UMAD1: variants seen among roughly 807,000 people sequenced by gnomAD.
UMAD1 encodes UBAP1-MVB12-associated (UMA)-domain containing protein 1.
In UMAD1, 8 loss-of-function variants were observed where a neutral mutation model predicts 6.1. The observed-to-expected ratio is 1.30, with a 90% CI of 0.76 to 2.35. UMAD1 has a LOEUF of 2.35. Among genes scored for constraint, UMAD1 ranks in the 30% most tolerant of loss-of-function variants. UMAD1 has a pLI of 0.00. For synonymous variants in UMAD1, 56 were observed against 31.4 expected (o/e 1.78, Z -2.61); for missense variants, 130 against 78.4 (o/e 1.66, Z -2.49).
chr7:7,805,455 G>T (rs1190664532), intron 3 of UMAD1, among the ~76,000 whole-genome samples: 1 of 152,108 alleles, frequency 6.6e-6, no homozygotes, highest in East Asian at 1.9e-4. Context: ...TGTGACTGCT[G>T]CTCAACGTCA....
chr7:7,778,226 T>TTGTGTGTG (rs61647575), intron 2 of UMAD1, among the ~76,000 whole-genome samples: 40 of 126,454 alleles, frequency 3.2e-4, no homozygotes, highest in South Asian at 8.3e-4. Context: ...AAAACTGGTT[T>TTGTGTGTG]TGTGTGTGTG....
intron 2 of UMAD1, among the ~76,000 whole-genome samples, chr7:7,685,640 A>T (rs144277454): frequency 6.6e-6 from 1 of 152,260 alleles, no homozygotes; most frequent in African/African-American, 2.4e-5. Context: ...ATTTCTAAAA[A>T]ATTTAAGTGT....
chr7:7,670,237 G>A lies in UMAD1; in HGVS notation c.-63-3072G>A, dbSNP rs76699702. Among the ~76,000 whole-genome samples the A allele has an allele frequency of 3.2e-4, 49 of 152,306 alleles. No homozygotes were observed. The East Asian group carries it at 9.4e-3, about 29-fold the overall frequency. ...TTAAAACTACTTTTGTGATATCCGT[G>A]TTTGTTCCATTTCTGACTTGTGGCC... On this transcript the variant is annotated intron_variant, in intron 1 of 3. Transcript: ENST00000682710.
rs946743883 is a variant in UMAD1, at chr7:7,660,929, C to T, written c.-63-12380C>T. On this transcript the variant is annotated intron_variant, in intron 1 of 3. Transcript: ENST00000682710. ...TTGGTTCTATTCTCCCTGTCACTTTCGGGTACGCCAATCAAATGTAGATTT... is the reference window on the plus strand; with the variant it reads ...TTGGTTCTATTCTCCCTGTCACTTTTGGGTACGCCAATCAAATGTAGATTT... Among the ~76,000 whole-genome samples, 11 of 152,298 alleles carry T rather than the reference C, an allele frequency of 7.2e-5. No homozygotes were observed. The South Asian group carries it at 1.2e-3, about 17-fold the overall frequency.
intron 2 of UMAD1, among the ~76,000 whole-genome samples, chr7:7,713,412 T>A (rs1020981537): frequency 2.0e-5 from 3 of 151,804 alleles, no homozygotes; most frequent in Admixed American, 6.6e-5. Flanking sequence ...TTTTTTTTTT[T>A]AAATGATATC....
chr7:7,672,572 T>G (rs1779633554), intron 1 of UMAD1, among the ~76,000 whole-genome samples: 1 of 152,288 alleles, frequency 6.6e-6, no homozygotes, highest in African/African-American at 2.4e-5. Context: ...AATTAAATCA[T>G]GGGAGCCATT....
intron 2 of UMAD1, chr7:7,736,195 A>G (rs1025824683): frequency 1.3e-5 from 2 of 152,258 alleles, no homozygotes; most frequent in African/African-American, 4.8e-5. Flanking sequence ...TCAGTTCCCA[A>G]TATAAATGTT....
At chr7:7,737,566 G>C (rs1169462820) in intron 2 of UMAD1, among the ~76,000 whole-genome samples, 1 of 152,016 alleles carries the variant, frequency 6.6e-6, no homozygotes, top group African/African-American at 2.4e-5. Flanking sequence ...TTAACCACTG[G>C]GAAAAACTCA....
At chr7:7,782,577 T>G (rs1323172030) in intron 2 of UMAD1, among the ~76,000 whole-genome samples, 1 of 152,104 alleles carries the variant, frequency 6.6e-6, no homozygotes, top group Non-Finnish European at 1.5e-5. Flanking sequence ...TGTAGGGTTA[T>G]TTTTTTGTTT....
intron 2 of UMAD1, among the ~76,000 whole-genome samples, chr7:7,763,307 T>G (rs901298359): frequency 3.3e-5 from 5 of 152,144 alleles, no homozygotes; most frequent in African/African-American, 9.7e-5. Flanking sequence ...CATGCGCAAG[T>G]TTGTTATATG....
At chr7:7,848,504 A>G (rs549333295) in intron 3 of UMAD1, among the ~76,000 whole-genome samples, 2 of 152,140 alleles carry the variant, frequency 1.3e-5, no homozygotes, top group African/African-American at 2.4e-5. Flanking sequence ...ACTTCCACCA[A>G]GGAGGGTAGA....
At chr7:7,662,771 A>G (rs912842229) in intron 1 of UMAD1, among the ~76,000 whole-genome samples, 1 of 152,192 alleles carries the variant, frequency 6.6e-6, no homozygotes, top group African/African-American at 2.4e-5. Flanking sequence ...CCATCTTGCC[A>G]GCAACCCCTC....
At chr7:7,720,840 A>G (rs1781033566) in intron 2 of UMAD1, among the ~76,000 whole-genome samples, 2 of 152,128 alleles carry the variant, frequency 1.3e-5, no homozygotes, top group Non-Finnish European at 2.9e-5. Context: ...TGTCCCCCCA[A>G]AAAGGTATAT....
chr7:7,817,800 T>C (rs559967720), intron 3 of UMAD1, among the ~76,000 whole-genome samples: 2 of 152,270 alleles, frequency 1.3e-5, no homozygotes, highest in East Asian at 3.9e-4. Flanking sequence ...CTTTTAGATG[T>C]TTCAGTATGT....
intron 3 of UMAD1, among the ~76,000 whole-genome samples, chr7:7,818,376 G>T (rs1302456852): frequency 6.6e-6 from 1 of 151,936 alleles, no homozygotes; most frequent in African/African-American, 2.4e-5. Context: ...CAGACACTTT[G>T]CAAAAGACAT....
rs536197271 is a variant in UMAD1, at chr7:7,878,252, C to T, written c.*714C>T. 3 of 152,496 alleles carry T rather than the reference C, an allele frequency of 2.0e-5. No individual in the cohort carries two copies. The highest frequency in any genetic ancestry group is 7.2e-5 in the African/African-American group (3 of 41,548). The allele number at this position is 152,496 out of a possible 1,614,324, so 9.4% of individuals were successfully genotyped here. ...TCTGACCAGCTTTCCAAAGAACTTT[C>T]CCTGCTTCTGCCTCGGTTGCCATTT... is the stretch of plus-strand genomic sequence containing the variant. On this transcript the variant is annotated 3_prime_UTR_variant, in exon 4 of 4. Transcript: ENST00000682710.
chr7:7,756,812 A>G (rs1299343513), intron 2 of UMAD1, among the ~76,000 whole-genome samples: 2 of 152,216 alleles, frequency 1.3e-5, no homozygotes, highest in Non-Finnish European at 2.9e-5. Flanking sequence ...AATCATATGT[A>G]GAGTTACAGT....
intron 2 of UMAD1, among the ~76,000 whole-genome samples, chr7:7,743,886 C>G (rs973871393): frequency 6.6e-6 from 1 of 151,702 alleles, no homozygotes; most frequent in African/African-American, 2.4e-5. Context: ...TTTCCATCAC[C>G]CCAGAGAAAC....
At chr7:7,766,444 C>T (rs1781986814) in intron 2 of UMAD1, among the ~76,000 whole-genome samples, 1 of 152,000 alleles carries the variant, frequency 6.6e-6, no homozygotes, top group African/African-American at 2.4e-5. Context: ...AATAGTATAC[C>T]AGCTGCAAGT....
Sources: gnomAD v4.1 joint callset for allele counts (sites outside exome capture counted in the v4.1 genomes callset) on GRCh38, gnomAD v4.1.1 for gene constraint, MANE v1.5 for transcripts, NCBI Gene and HGNC (gene_info 2026-07-23, HGNC 2026-07-21) for gene names.